The following TRPC3 variants were observed in gnomAD, a reference collection of about 807,000 sequenced individuals.
The protein encoded by TRPC3 is transient receptor potential cation channel subfamily C member 3.
A neutral mutation model predicts 90.9 loss-of-function variants in TRPC3; 54 were observed. The observed-to-expected ratio is 0.59, with a 90% CI of 0.48 to 0.75. TRPC3 has a LOEUF of 0.75. TRPC3 is among the 30% of genes least tolerant of loss of function. TRPC3 has a pLI of 0.00. For synonymous variants in TRPC3, 424 were observed against 450.9 expected (o/e 0.94, Z 0.75); for missense variants, 918 against 1,194.5 (o/e 0.77, Z 3.41).
Position 121,932,970 on chromosome 4 carries a change from C to A in TRPC3, c.288G>T (p.Arg96Ser). The A allele has an allele frequency of 6.2e-7, 1 of 1,612,166 alleles. No individual in the cohort carries two copies. The highest frequency in any genetic ancestry group is 1.1e-5 in the South Asian group (1 of 90,862). ...GGTCATTGAACATGAAGGCCGGGCC[C>A]CTGACAGCCTGGCGCCGGCCCTTCT... is the stretch of plus-strand genomic sequence containing the variant. The part of the protein sequence containing the change: ...MREKGRRQAV[R>S]GPAFMFNDRG... The change falls in exon 2 of 12, where the codon AGG becomes AGT. Residue 96 changes from arginine (R) to serine (S), a missense_variant. By Grantham distance (110) the Arg-to-Ser change is moderately radical. Transcript: ENST00000379645. This position sits in a 1 kb window ranked among gnomAD's most constrained non-coding sequence, Gnocchi z 7.7.
intron 1 of TRPC3, among the ~76,000 whole-genome samples, chr4:121,949,068 C>A (rs2149158804): frequency 6.6e-6 from 1 of 152,276 alleles, no homozygotes; most frequent in South Asian, 2.1e-4. Context: ...TGAATTGAGA[C>A]TCATGAAAAC....
chr4:121,885,651 G>A (rs2149106100), intron 10 of TRPC3, among the ~76,000 whole-genome samples: 1 of 152,102 alleles, frequency 6.6e-6, no homozygotes, highest in African/African-American at 2.4e-5. Flanking sequence ...TCTTAATGAT[G>A]GTACCACAAG....
At chr4:121,887,634 C>T (rs1215926870) in intron 10 of TRPC3, among the ~76,000 whole-genome samples, 3 of 152,136 alleles carry the variant, frequency 2.0e-5, no homozygotes, top group African/African-American at 7.2e-5. Flanking sequence ...AAGGGTGTTA[C>T]CAAAGCGAAG....
rs1730006982 is a variant in TRPC3 at position 121,933,014 on chromosome 4, G to A, written c.244C>T (p.Arg82Cys). Residue 82 changes from arginine to cysteine, a missense_variant, in exon 2 of 12, where the codon CGC (arginine) becomes TGC (cysteine). Arg to Cys is a radical substitution (Grantham distance 180, BLOSUM62 -3). Coordinates refer to ENST00000379645, the MANE Select transcript of TRPC3 (RefSeq NM_001130698.2). ...LSMEGSPSLR[R>C]MTVMREKGRR... is the part of the protein sequence containing the mutation. Reference sequence around the variant, plus strand: ...CCCTTCTCCCGCATCACTGTCATGCGTCTCAGGGATGGGCTTCCCTCCATG... The same window carrying A: ...CCCTTCTCCCGCATCACTGTCATGCATCTCAGGGATGGGCTTCCCTCCATG... 1.3e-6 allele frequency: 2 copies of A among 1,597,394 alleles called. No individual in the cohort carries two copies. The highest frequency in any genetic ancestry group is 1.3e-5 in the African/African-American group (1 of 74,546).
intron 9 of TRPC3, among the ~76,000 whole-genome samples, chr4:121,900,747 G>C (rs750920283): frequency 2.1e-4 from 32 of 152,184 alleles, no homozygotes; most frequent in Non-Finnish European, 4.4e-4. Context: ...ATATTAAAGA[G>C]ATGTAAACAG....
intron 11 of TRPC3, among the ~76,000 whole-genome samples, chr4:121,881,394 T>C (rs2706796): frequency 0.75 from 113,238 of 151,718 alleles, 42,465 homozygotes; most frequent in East Asian, 0.86. Flanking sequence ...TTCCTCCCTC[T>C]CCACCCCCCA....
At chr4:121,945,252 A>C (rs1287025646) in intron 1 of TRPC3, among the ~76,000 whole-genome samples, 2 of 152,224 alleles carry the variant, frequency 1.3e-5, no homozygotes, top group Non-Finnish European at 2.9e-5. Context: ...TAGGGCTTAA[A>C]TAAACACAAC....
intron 1 of TRPC3, among the ~76,000 whole-genome samples, chr4:121,941,884 C>T (rs554883404): frequency 1.3e-5 from 2 of 152,244 alleles, no homozygotes; most frequent in East Asian, 3.9e-4. Context: ...CCATTAAGTA[C>T]ACCAGCATGC....
intron 3 of TRPC3, among the ~76,000 whole-genome samples, chr4:121,915,191 A>T (rs550922237): frequency 6.6e-6 from 1 of 152,324 alleles, no homozygotes; most frequent in African/African-American, 2.4e-5. Flanking sequence ...CCTTAATCAC[A>T]GTTCTTTTTG....
At chr4:121,892,714 C>A (rs933204685) in intron 10 of TRPC3, among the ~76,000 whole-genome samples, 2 of 152,030 alleles carry the variant, frequency 1.3e-5, no homozygotes, top group African/African-American at 4.8e-5. Flanking sequence ...CCTAATAAAT[C>A]GAAAAGTATA....
chr4:121,919,046 T>C (rs908621319), intron 3 of TRPC3, among the ~76,000 whole-genome samples: 1 of 152,194 alleles, frequency 6.6e-6, no homozygotes, highest in Non-Finnish European at 1.5e-5. Flanking sequence ...ACAAAAATAA[T>C]ACCCTTATTT....
chr4:121,919,410 A>T (rs1045921557), intron 3 of TRPC3, among the ~76,000 whole-genome samples: 1 of 152,226 alleles, frequency 6.6e-6, no homozygotes, highest in Non-Finnish European at 1.5e-5. Flanking sequence ...AGGCAATTCA[A>T]CTTCTTTTAA....
chr4:121,941,967 T>C (rs1337027900), intron 1 of TRPC3, among the ~76,000 whole-genome samples: 1 of 152,092 alleles, frequency 6.6e-6, no homozygotes, highest in Non-Finnish European at 1.5e-5. Context: ...AGTCCACAAG[T>C]ATCTCATACC....
Position 121,875,327 on chromosome 4 carries a change from G to T in TRPC3, c.*4409C>A, listed in dbSNP as rs1243719865. The stretch of plus-strand genomic sequence containing the variant: ...AAAAGTTTGCATAATATGATATTTG[G>T]AATTCTTTGATTTTGCATCTAAAAA... On this transcript the variant is annotated 3_prime_UTR_variant, in exon 12 of 12. Coordinates refer to ENST00000379645, the MANE Select transcript of TRPC3 (RefSeq NM_001130698.2). 1.3e-5 allele frequency among the ~76,000 whole-genome samples: 2 copies of T among 152,090 alleles called. No homozygotes were observed. The highest frequency in any genetic ancestry group is 2.4e-5 in the African/African-American group (1 of 41,412).
rs1304343773 is a variant in TRPC3 at position 121,932,116 on chromosome 4, C to T, written c.987+155G>A. The stretch of plus-strand genomic sequence containing the variant: ...CCATCATTGAGAGGGAGAAAGAAAA[C>T]ATTAGATGAGGTCTGAATGACGTTC... On this transcript the variant is annotated intron_variant, in intron 2 of 11. Transcript: ENST00000379645. The surrounding 1 kb of genome is among the most constrained non-coding windows in gnomAD (Gnocchi z 7.7). Among the ~76,000 whole-genome samples the T allele has an allele frequency of 6.6e-6, 1 of 152,208 alleles. No homozygotes were observed. Among genetic ancestry groups the T allele is most frequent in the Non-Finnish European group, 1.5e-5 (1 of 68,044 alleles).
At chr4:121,912,310 T>C (rs1729138113) in intron 4 of TRPC3, among the ~76,000 whole-genome samples, 1 of 152,174 alleles carries the variant, frequency 6.6e-6, no homozygotes, top group South Asian at 2.1e-4. Flanking sequence ...TTTCTAAATG[T>C]CCAATTTGTC....
At chr4:121,913,699 G>A (rs1007634548) in intron 4 of TRPC3, among the ~76,000 whole-genome samples, 11 of 152,032 alleles carry the variant, frequency 7.2e-5, no homozygotes. Context: ...CATCTTTAGT[G>A]TTTACGTATT....
At position 121,877,119 on chromosome 4, in the gene TRPC3, C is replaced by T. The variant is rs1727783584; in HGVS notation, c.*2617G>A. ...CTTGCTGACCCAGAGCTATCTTTAT[C>T]CTCAAGTGAAGGACTAATTCTGACA... On this transcript the variant is annotated 3_prime_UTR_variant, in exon 12 of 12. Coordinates refer to ENST00000379645, the MANE Select transcript of TRPC3 (RefSeq NM_001130698.2). 6.6e-6 allele frequency among the ~76,000 whole-genome samples: 1 copy of T among 152,168 alleles called. No homozygotes were observed. The highest frequency in any genetic ancestry group is 1.5e-5 in the Non-Finnish European group (1 of 68,016).
chr4:121,925,784 A>G (rs1419712198), intron 2 of TRPC3, among the ~76,000 whole-genome samples: 1 of 152,212 alleles, frequency 6.6e-6, no homozygotes, highest in African/African-American at 2.4e-5. Context: ...GAAGCATCCC[A>G]TGGTACCCAT....
Sources: gnomAD v4.1 joint callset for allele counts (sites outside exome capture counted in the v4.1 genomes callset) on GRCh38, gnomAD v4.1.1 for gene constraint, Gnocchi (gnomAD v3.1) non-coding constraint, MANE v1.5 for transcripts, NCBI Gene and HGNC (gene_info 2026-07-23, HGNC 2026-07-21) for gene names.